Variants in TOGARAM1 observed in about 807,000 individuals in gnomAD.
The protein encoded by TOGARAM1 is TOG array regulator of axonemal microtubules protein 1.
Under a neutral mutation model 166.6 loss-of-function variants are expected in TOGARAM1, and 100 were observed. That is an observed-to-expected ratio of 0.60 (90% confidence interval 0.51 to 0.71). TOGARAM1 has a LOEUF of 0.71. Ranked by LOEUF, TOGARAM1 falls within the 30% of genes least tolerant of loss-of-function variation. The probability of loss-of-function intolerance (pLI) is 0.00; values close to 1 mark genes in which losing one functional copy is unlikely to be tolerated. For synonymous variants in TOGARAM1, 758 were observed against 763.8 expected, an observed-to-expected ratio of 0.99 and a Z score of 0.13; for missense variants, 2,029 against 2,102.7, an observed-to-expected ratio of 0.96 and a Z score of 0.69.
At position 45,008,958 on chromosome 14, in the gene TOGARAM1, A is replaced by T; in HGVS notation, c.2950A>T (p.Arg984Ter). 1 of 1,614,142 alleles carries T rather than the reference A, an allele frequency of 6.2e-7. No homozygotes were observed. Among genetic ancestry groups the T allele is most frequent in the Non-Finnish European group, 8.5e-7 (1 of 1,179,988 alleles). Residue 984 changes from arginine to a stop codon, truncating the protein, a stop_gained, in exon 6 of 20, where the codon AGA (arginine) becomes TGA (stop). Transcript: ENST00000361462. LOFTEE classifies it high-confidence loss of function. ...CCTTCGTAATAGTGCAGCTAAGAAA[A>T]GAGCAAAACTGAGTGGCAGTACTTC... ...RSLRNSAAKK[R>*]AKLSGSTSDL...
At chr14:45,068,831 T>C (rs988433567) in intron 18 of TOGARAM1, among the ~76,000 whole-genome samples, 188 bp downstream of exon 18, 9 of 152,188 alleles carry the variant, frequency 5.9e-5, no homozygotes, top group Non-Finnish European at 1.5e-5. Context: ...TCCCATTAAA[T>C]TGACTTTCTT....
At chr14:44,991,466 A>G (rs1174490472) in intron 1 of TOGARAM1, among the ~76,000 whole-genome samples, 2 of 152,160 alleles carry the variant, frequency 1.3e-5, no homozygotes, top group South Asian at 2.1e-4. Context: ...CATCTAGTCA[A>G]TGGAATATTA....
At chr14:45,053,065 A>T (rs1882454874) in intron 15 of TOGARAM1, among the ~76,000 whole-genome samples, 1 of 135,934 alleles carries the variant, frequency 7.4e-6, no homozygotes, top group Non-Finnish European at 1.5e-5. Flanking sequence ...TTTGAGACAG[A>T]GTCTTGCTGT....
intron 1 of TOGARAM1, among the ~76,000 whole-genome samples, chr14:44,982,954 A>T (rs1345788213): frequency 6.6e-6 from 1 of 152,214 alleles, no homozygotes; most frequent in Non-Finnish European, 1.5e-5. Context: ...GTTAAATAAG[A>T]AAACATTTAA....
chr14:45,027,799 G>A (rs781662597), intron 9 of TOGARAM1, among the ~76,000 whole-genome samples: 2 of 151,684 alleles, frequency 1.3e-5, no homozygotes, highest in Admixed American at 6.6e-5. Context: ...AGCTCGGACG[G>A]TCGGACTTGA....
chr14:45,016,492 C>T (rs576980049), intron 7 of TOGARAM1, among the ~76,000 whole-genome samples: 1 of 152,274 alleles, frequency 6.6e-6, no homozygotes, highest in East Asian at 1.9e-4. Flanking sequence ...CCAACCTGAC[C>T]AACATGGTGA....
chr14:44,974,882 G>A (rs1326570067), intron 1 of TOGARAM1, among the ~76,000 whole-genome samples: 1 of 151,800 alleles, frequency 6.6e-6, no homozygotes, highest in Non-Finnish European at 1.5e-5. Flanking sequence ...AAATTTTGTT[G>A]ACAGGTAGAT....
At chr14:44,975,580 C>T (rs1441498989) in intron 1 of TOGARAM1, among the ~76,000 whole-genome samples, 1 of 152,136 alleles carries the variant, frequency 6.6e-6, no homozygotes, top group Non-Finnish European at 1.5e-5. Flanking sequence ...CATTCTCCCA[C>T]CTCAGCCTCC....
At chr14:45,020,542 G>T (rs1402514308) in intron 7 of TOGARAM1, among the ~76,000 whole-genome samples, 2 of 152,146 alleles carry the variant, frequency 1.3e-5, no homozygotes, top group African/African-American at 4.8e-5. Flanking sequence ...AAGGAAGAAT[G>T]GGTACTCTTT....
intron 5 of TOGARAM1, chr14:45,006,496 G>T: frequency 5.6e-6 from 2 of 355,216 alleles, no homozygotes; most frequent in Non-Finnish European, 1.0e-5. Context: ...TTTTCTTCAA[G>T]TATTTTTTCT....
chr14:45,070,025 A>G (rs1357200941), intron 18 of TOGARAM1, among the ~76,000 whole-genome samples: 1 of 152,088 alleles, frequency 6.6e-6, no homozygotes, highest in East Asian at 1.9e-4. Context: ...TACTAAAAAT[A>G]CAAAAAATTA....
intron 1 of TOGARAM1, among the ~76,000 whole-genome samples, chr14:44,970,080 T>A (rs972310798): frequency 2.0e-5 from 3 of 152,232 alleles, no homozygotes; most frequent in Admixed American, 1.3e-4. Context: ...AAAAAATAAG[T>A]TGCTGAGAGT....
intron 18 of TOGARAM1, among the ~76,000 whole-genome samples, chr14:45,069,335 C>G (rs1883277159): frequency 6.6e-6 from 1 of 152,062 alleles, no homozygotes; most frequent in South Asian, 2.1e-4. Flanking sequence ...TACCACTGCA[C>G]TGCAGCCTGG....
chr14:45,067,274 C>T (rs1453690807), intron 17 of TOGARAM1, among the ~76,000 whole-genome samples: 2 of 152,056 alleles, frequency 1.3e-5, no homozygotes, highest in Non-Finnish European at 2.9e-5. Flanking sequence ...GCTATATTCT[C>T]AGAGCTCTCA....
At position 44,973,241 on chromosome 14, in the gene TOGARAM1, C is replaced by G. The variant is rs190617032; in HGVS notation, c.2046+8774C>G. Among the ~76,000 whole-genome samples the G allele has an allele frequency of 3.3e-5, 5 of 150,970 alleles. No individual in the cohort carries two copies. The East Asian group carries it at 9.7e-4, about 29-fold the overall frequency. On this transcript the variant is annotated intron_variant, in intron 1 of 19. Coordinates refer to ENST00000361462, the MANE Select transcript of TOGARAM1 (RefSeq NM_001308120.2). ...TAGCATATCAGTTATGCTGCTGCTC[C>G]TTTTTTTTTAAATTACTTTTTTTTA...
rs184259763 is a variant in TOGARAM1, at chr14:45,021,376, G to A, written c.3239-4407G>A. On this transcript the variant is annotated intron_variant, in intron 7 of 19. Coordinates refer to ENST00000361462, the MANE Select transcript of TOGARAM1 (RefSeq NM_001308120.2). ...GGGGCATCAATATTTCCGGGAAGCCGCATTCTCCATAGAAACTCTTGGTAA... is the reference window on the plus strand; with the variant it reads ...GGGGCATCAATATTTCCGGGAAGCCACATTCTCCATAGAAACTCTTGGTAA... Among the ~76,000 whole-genome samples the A allele has an allele frequency of 1.7e-4, 26 of 152,192 alleles. No individual in the cohort carries two copies. The East Asian group carries it at 4.6e-3, about 27-fold the overall frequency.
At chr14:44,978,730 G>A (rs765204303) in intron 1 of TOGARAM1, among the ~76,000 whole-genome samples, 8 of 151,878 alleles carry the variant, frequency 5.3e-5, no homozygotes, top group Admixed American at 1.3e-4. Flanking sequence ...CTGGGAGGTC[G>A]AGGCTGTAAT....
At chr14:44,989,006 A>G (rs1886997059) in intron 1 of TOGARAM1, among the ~76,000 whole-genome samples, 1 of 152,242 alleles carries the variant, frequency 6.6e-6, no homozygotes, top group Non-Finnish European at 1.5e-5. Flanking sequence ...CTTAGCCAGA[A>G]TCAACCAGCT....
intron 2 of TOGARAM1, among the ~76,000 whole-genome samples, chr14:44,998,443 T>C (rs938517591): frequency 2.0e-5 from 3 of 152,126 alleles, no homozygotes; most frequent in African/African-American, 4.8e-5. Flanking sequence ...GGCTGGGCGC[T>C]GTGGCTCACG....
Sources: allele counts gnomAD v4.1 joint callset (sites outside exome capture counted in the v4.1 genomes callset), GRCh38; gene constraint gnomAD v4.1.1; transcripts MANE v1.5; gene names NCBI Gene and HGNC (gene_info 2026-07-23, HGNC 2026-07-21).